Variants in CELF2 observed in about 807,000 individuals in gnomAD.
CELF2 encodes the protein CUGBP Elav-like family member 2.
A neutral mutation model predicts 62.6 loss-of-function variants in CELF2; 8 were observed. The ratio of observed to expected loss-of-function variants is 0.13; its 90% confidence interval spans 0.07 to 0.23. The LOEUF (loss-of-function observed/expected upper bound fraction) is 0.23, where lower values mean the gene tolerates loss of function less well. Among genes scored for constraint, CELF2 ranks in the 10% least tolerant of loss-of-function variants. CELF2 has a pLI of 1.00. For missense variants in CELF2, 333 were observed against 671.0 expected (o/e 0.50, Z 5.56); for synonymous variants, 258 against 250.0 (o/e 1.03, Z -0.30).
rs1260031279 is a variant in CELF2, at chr10:11,159,705, C to A, written c.75-5781C>A. 6.6e-6 allele frequency among the ~76,000 whole-genome samples: 1 copy of A among 152,240 alleles called. No individual in the cohort carries two copies. The highest frequency in any genetic ancestry group is 6.5e-5 in the Admixed American group (1 of 15,288). ...AATGAATTTCATGTCTGTCCTGTTA[C>A]CCGCCGGAGGCACCAGGCCCATCGC... is the stretch of plus-strand genomic sequence containing the variant. On this transcript the variant is annotated intron_variant, in intron 1 of 12. Transcript: ENST00000633077. The surrounding 1 kb of genome is among the most constrained non-coding windows in gnomAD (Gnocchi z 5.0).
chr10:10,860,984 C>T (rs1368459889), intron 1 of CELF2, among the ~76,000 whole-genome samples: 1 of 152,126 alleles, frequency 6.6e-6, no homozygotes, highest in Non-Finnish European at 1.5e-5. Flanking sequence ...GACAGTGGCT[C>T]ATCATTGCAC....
chr10:11,020,372 T>C (rs1206007368), intron 1 of CELF2, among the ~76,000 whole-genome samples: 1 of 152,242 alleles, frequency 6.6e-6, no homozygotes, highest in Non-Finnish European at 1.5e-5. Flanking sequence ...TAGAGCATGC[T>C]TTTATATATC....
At chr10:11,015,136 A>G (rs1441710319), upstream of CELF2, among the ~76,000 whole-genome samples, 1 of 152,214 alleles carries the variant, frequency 6.6e-6, no homozygotes, top group Non-Finnish European at 1.5e-5. This position sits in a 1 kb window ranked among gnomAD's most constrained non-coding sequence, Gnocchi z 4.8. Context: ...TCCAACTGCC[A>G]AAACATGATA....
chr10:11,164,510 A>G (rs2066494298), intron 1 of CELF2, among the ~76,000 whole-genome samples: 1 of 152,206 alleles, frequency 6.6e-6, no homozygotes, highest in Non-Finnish European at 1.5e-5. Context: ...GGGAGAAGAA[A>G]AGGCAGACTT....
the CELF2 span, among the ~76,000 whole-genome samples, chr10:10,503,613 A>T: frequency 3.1e-4 from 47 of 152,046 alleles, no homozygotes; most frequent in South Asian, 6.2e-4. Context: ...ATTATGTTTT[A>T]AGTGATTTTA....
chr10:10,569,231 G>A, the CELF2 span, among the ~76,000 whole-genome samples: 6 of 152,234 alleles, frequency 3.9e-5, no homozygotes, highest in East Asian at 9.7e-4. Context: ...ACGTTTAATG[G>A]ACTCACAGTT....
the CELF2 span, among the ~76,000 whole-genome samples, chr10:10,639,910 T>C: frequency 6.6e-6 from 1 of 152,208 alleles, no homozygotes; most frequent in Non-Finnish European, 1.5e-5. Flanking sequence ...TTTCTCTACA[T>C]GAAACAGTCT....
intron 1 of CELF2, among the ~76,000 whole-genome samples, chr10:11,042,554 G>C (rs1406139383): frequency 2.6e-5 from 4 of 152,180 alleles, no homozygotes; most frequent in African/African-American, 9.7e-5. Context: ...TACCACGAAA[G>C]CCAGTCACCC....
Position 11,237,977 on chromosome 10 carries a change from A to G in CELF2, c.355-11176A>G, listed in dbSNP as rs973300422. On this transcript the variant is annotated intron_variant, in intron 3 of 12. Transcript: ENST00000633077. The surrounding 1 kb of genome is among the most constrained non-coding windows in gnomAD (Gnocchi z 4.0). Reference sequence around the variant, plus strand: ...AAATGAGCCACCAGGTAATTAAACCACGCCTTTAGTCGCCTTTAATGGCCA... The same window carrying G: ...AAATGAGCCACCAGGTAATTAAACCGCGCCTTTAGTCGCCTTTAATGGCCA... Among the ~76,000 whole-genome samples, 1 of 152,234 alleles carries G rather than the reference A, an allele frequency of 6.6e-6. No individual in the cohort carries two copies.
chr10:11,132,872 C>T (rs1248140763), intron 1 of CELF2, among the ~76,000 whole-genome samples: 1 of 152,070 alleles, frequency 6.6e-6, no homozygotes, highest in Non-Finnish European at 1.5e-5. Flanking sequence ...GTTTTAAGCA[C>T]CAATAGAGTT....
chr10:11,103,657 A>G (rs768073415), intron 1 of CELF2, among the ~76,000 whole-genome samples: 3 of 152,052 alleles, frequency 2.0e-5, no homozygotes, highest in African/African-American at 4.8e-5. Flanking sequence ...GAAATTAAAC[A>G]TTGTACCTGG....
At position 11,296,934 on chromosome 10, in the gene CELF2, T is replaced by G. The variant is rs1246889653; in HGVS notation, c.976+8382T>G. On this transcript the variant is annotated intron_variant, in intron 9 of 12. Transcript: ENST00000633077. The surrounding 1 kb of genome is among the most constrained non-coding windows in gnomAD (Gnocchi z 5.0). Reference sequence around the variant, plus strand: ...AAGTTCATCTCACTTTTCACAAGCATGGACATATGGAAAAGGATGCCCACC... The same window carrying G: ...AAGTTCATCTCACTTTTCACAAGCAGGGACATATGGAAAAGGATGCCCACC... Among the ~76,000 whole-genome samples, 1 of 152,214 alleles carries G rather than the reference T, an allele frequency of 6.6e-6. No homozygotes were observed. Among genetic ancestry groups the G allele is most frequent in the Non-Finnish European group, 1.5e-5 (1 of 68,024 alleles).
chr10:11,164,465 G>T (rs2066481648), intron 1 of CELF2, among the ~76,000 whole-genome samples: 1 of 152,184 alleles, frequency 6.6e-6, no homozygotes, highest in African/African-American at 2.4e-5. Context: ...GCTTATGGTT[G>T]TGCTCTCTGT....
At chr10:11,014,698 G>A (rs1029691878), upstream of CELF2, among the ~76,000 whole-genome samples, 14 of 152,062 alleles carry the variant, frequency 9.2e-5, no homozygotes, top group Non-Finnish European at 1.5e-4. Flanking sequence ...GATGAGGTTC[G>A]AAGACGGAAG....
the CELF2 span, among the ~76,000 whole-genome samples, chr10:10,620,365 C>A: frequency 2.2e-4 from 33 of 150,816 alleles, no homozygotes; most frequent in East Asian, 1.2e-3. Flanking sequence ...ATCGCTTGAA[C>A]CCAGGAGGCG....
chr10:10,799,208 G>A (rs890793906), intron 1 of CELF2, among the ~76,000 whole-genome samples: 2 of 152,110 alleles, frequency 1.3e-5, no homozygotes, highest in Admixed American at 6.5e-5. Context: ...GGCCAGGTGC[G>A]GAGGCTCACA....
At chr10:10,725,291 A>G in the CELF2 span, among the ~76,000 whole-genome samples, 8 of 152,312 alleles carry the variant, frequency 5.3e-5, no homozygotes, top group Non-Finnish European at 7.4e-5. Flanking sequence ...CTTTCTGTCA[A>G]AGGAGGAGAG....
rs145359530 is a variant in CELF2 at position 11,239,397 on chromosome 10, G to C, written c.355-9756G>C. Among the ~76,000 whole-genome samples the C allele has an allele frequency of 2.6e-3, 391 of 152,246 alleles. 2 individuals are homozygous for C. The highest frequency in any genetic ancestry group is 9.0e-3 in the African/African-American group (374 of 41,542). On this transcript the variant is annotated intron_variant, in intron 3 of 12. Coordinates refer to ENST00000633077, the MANE Select transcript of CELF2 (RefSeq NM_001326342.2). ...TAGCCTGTGGAGTTGAGCACTGCTGGCTGTATATATCCCAGGTGACCGAGA... is the reference window on the plus strand; with the variant it reads ...TAGCCTGTGGAGTTGAGCACTGCTGCCTGTATATATCCCAGGTGACCGAGA...
the CELF2 span, among the ~76,000 whole-genome samples, chr10:10,601,543 G>T: frequency 0.79 from 120,102 of 152,072 alleles, 48,354 homozygotes; most frequent in South Asian, 0.89. Context: ...ACATTTAAAC[G>T]ACAGTTGGTT....
Sources: gnomAD v4.1 joint callset for allele counts (sites outside exome capture counted in the v4.1 genomes callset) on GRCh38, gnomAD v4.1.1 for gene constraint, Gnocchi (gnomAD v3.1) non-coding constraint, MANE v1.5 for transcripts, NCBI Gene and HGNC (gene_info 2026-07-23, HGNC 2026-07-21) for gene names.